ENTREP1: variants seen among roughly 807,000 people sequenced by gnomAD.
ENTREP1 encodes endosomal transmembrane epsin interactor 1.
chr9:69,326,338 A>G, the ENTREP1 span, among the ~76,000 whole-genome samples: 3 of 152,134 alleles, frequency 2.0e-5, no homozygotes, highest in East Asian at 1.9e-4. Context: ...CCTTAACCCC[A>G]CTGGGTTCCT....
chr9:69,355,044 TA>T, the ENTREP1 span, among the ~76,000 whole-genome samples: 32 of 151,802 alleles, frequency 2.1e-4, no homozygotes, highest in South Asian at 6.3e-4. Context: ...AGCCTCGCTT[TA>T]AAAAAAAATC....
At chr9:69,350,394 G>A in the ENTREP1 span, among the ~76,000 whole-genome samples, 1 of 152,110 alleles carries the variant, frequency 6.6e-6, no homozygotes, top group Non-Finnish European at 1.5e-5. Flanking sequence ...TAAGTGTGAG[G>A]TTTATGTATC....
chr9:69,333,256 C>T, the ENTREP1 span, among the ~76,000 whole-genome samples: 3 of 151,420 alleles, frequency 2.0e-5, no homozygotes, highest in South Asian at 6.3e-4. Context: ...ACAGTTTAGG[C>T]ATATTGCTAT....
chr9:69,335,129 C>G, the ENTREP1 span, among the ~76,000 whole-genome samples: 1 of 152,170 alleles, frequency 6.6e-6, no homozygotes, highest in Non-Finnish European at 1.5e-5. Flanking sequence ...TGAGCTCCTT[C>G]TCACAGTAGT....
chr9:69,333,337 C>T, the ENTREP1 span, among the ~76,000 whole-genome samples: 1 of 151,080 alleles, frequency 6.6e-6, no homozygotes, highest in Non-Finnish European at 1.5e-5. Context: ...TTGAGATGGA[C>T]TCTGTCACCC....
the ENTREP1 span, among the ~76,000 whole-genome samples, chr9:69,379,088 T>C: frequency 6.6e-6 from 1 of 151,602 alleles, no homozygotes; most frequent in Non-Finnish European, 1.5e-5. Flanking sequence ...ACAGAAATAC[T>C]AGTGTCTTTA....
the ENTREP1 span, among the ~76,000 whole-genome samples, chr9:69,334,426 A>T: frequency 6.6e-6 from 1 of 152,186 alleles, no homozygotes; most frequent in East Asian, 1.9e-4. Context: ...GATTACTCTC[A>T]GCTAGTGAGA....
chr9:69,333,069 C>A, the ENTREP1 span, among the ~76,000 whole-genome samples: 1 of 152,038 alleles, frequency 6.6e-6, no homozygotes, highest in Non-Finnish European at 1.5e-5. Context: ...GAAAGTATAT[C>A]TTTTATGATT....
the ENTREP1 span, chr9:69,391,503 T>TA: frequency 1.0e-6 from 1 of 973,324 alleles, no homozygotes; most frequent in East Asian, 2.4e-5. Flanking sequence ...TCAAAGCAAT[T>TA]ACACATTAAG....
the ENTREP1 span, chr9:69,383,854 C>G: frequency 6.4e-7 from 1 of 1,569,776 alleles, no homozygotes; most frequent in Admixed American, 1.7e-5. Flanking sequence ...GCAGGGAGAC[C>G]GGGCCCCACA....
chr9:69,357,570 ACTT>A, the ENTREP1 span, among the ~76,000 whole-genome samples: 1 of 152,106 alleles, frequency 6.6e-6, no homozygotes, highest in South Asian at 2.1e-4. Context: ...TATCTGCCAA[ACTT>A]CTGGCAGAAG....
the ENTREP1 span, chr9:69,379,617 C>T: frequency 1.3e-5 from 2 of 152,190 alleles, no homozygotes; most frequent in Admixed American, 6.5e-5. Context: ...AAAATCTTAG[C>T]GCCGTCTCAG....
At chr9:69,335,625 C>G in the ENTREP1 span, among the ~76,000 whole-genome samples, 3 of 152,264 alleles carry the variant, frequency 2.0e-5, no homozygotes, top group East Asian at 3.9e-4. Flanking sequence ...GAAGACTTTA[C>G]CTGTCCCATA....
the ENTREP1 span, among the ~76,000 whole-genome samples, chr9:69,340,287 G>A: frequency 6.6e-6 from 1 of 152,170 alleles, no homozygotes; most frequent in Non-Finnish European, 1.5e-5. Context: ...TTGTTCACAT[G>A]AGTCTAGAAC....
At chr9:69,361,106 GGAGTTCTAAGTGA>G in the ENTREP1 span, among the ~76,000 whole-genome samples, 1 of 152,180 alleles carries the variant, frequency 6.6e-6, no homozygotes, top group Non-Finnish European at 1.5e-5. Flanking sequence ...AAAGGAATCA[GGAGTTCTAAGTGA>G]CTTTTTTTTA....
the ENTREP1 span, among the ~76,000 whole-genome samples, chr9:69,371,036 A>G: frequency 6.6e-6 from 1 of 152,156 alleles, no homozygotes; most frequent in Non-Finnish European, 1.5e-5. Flanking sequence ...AACTGAAAAA[A>G]AGACCCATTT....
chr9:69,365,871 T>C, the ENTREP1 span, among the ~76,000 whole-genome samples: 1 of 152,224 alleles, frequency 6.6e-6, no homozygotes, highest in African/African-American at 2.4e-5. Flanking sequence ...TTCTTTTTTA[T>C]GGCCAATTAA....
chr9:69,334,775 C>CTTTT, the ENTREP1 span, among the ~76,000 whole-genome samples: 11 of 130,592 alleles, frequency 8.4e-5, no homozygotes, highest in East Asian at 2.2e-4. Context: ...CTTTCCTTTT[C>CTTTT]TTTTTTTTTT....
At chr9:69,391,659 A>G in the ENTREP1 span, 1 of 1,614,140 alleles carries the variant, frequency 6.2e-7, no homozygotes, top group Admixed American at 1.7e-5. Context: ...TCGCGGAGAC[A>G]GCCTGGCCTG....
Sources: allele counts gnomAD v4.1 joint callset (sites outside exome capture counted in the v4.1 genomes callset), GRCh38; gene constraint gnomAD v4.1.1; transcripts MANE v1.5; gene names NCBI Gene and HGNC (gene_info 2026-07-23, HGNC 2026-07-21).